Variants in PAK3 observed in about 807,000 individuals in gnomAD.
PAK3 encodes p21 (RAC1) activated kinase 3.
In PAK3, 4 loss-of-function variants were observed where a neutral mutation model predicts 41.0. The ratio of observed to expected loss-of-function variants is 0.10; its 90% CI spans 0.05 to 0.22. PAK3 has a LOEUF of 0.22. Ranked by LOEUF, PAK3 falls within the 10% of genes least tolerant of loss-of-function variation. The probability of loss-of-function intolerance (pLI) is 1.00; values close to 1 mark genes in which losing one functional copy is unlikely to be tolerated. For missense variants in PAK3, 205 were observed against 409.9 expected (o/e 0.50, Z 4.32); for synonymous variants, 146 against 139.6 (o/e 1.05, Z -0.32).
chrX:111,199,990 C>A (rs1371093283), intron 16 of PAK3, among the ~76,000 whole-genome samples: 1 of 111,405 alleles, frequency 9.0e-6, no homozygotes, highest in Non-Finnish European at 1.9e-5. Flanking sequence ...CTATAACAGG[C>A]ATCACATTGT....
intron 4 of PAK3, among the ~76,000 whole-genome samples, chrX:111,118,673 T>C (rs2093512510): frequency 9.0e-6 from 1 of 111,060 alleles, no homozygotes. Context: ...ATTGCTAACC[T>C]GGGGTTTTGT....
intron 11 of PAK3, among the ~76,000 whole-genome samples, chrX:111,179,534 C>A (rs1364845377): frequency 9.0e-6 from 1 of 111,347 alleles, no homozygotes; most frequent in Non-Finnish European, 1.9e-5. Flanking sequence ...TTAATAAAAT[C>A]ACAATGCCAT....
At chrX:111,121,838 A>G (rs1461994701) in intron 4 of PAK3, among the ~76,000 whole-genome samples, 4 of 111,757 alleles carry the variant, frequency 3.6e-5, no homozygotes, top group Admixed American at 9.5e-5. Context: ...GACTTGAATT[A>G]GAGTAGGAAA....
chrX:111,163,029 C>T lies in PAK3; in HGVS notation c.583C>T (p.Pro195Ser). The T allele has an allele frequency of 8.3e-7, 1 of 1,207,571 alleles. No homozygotes were observed. The highest frequency in any genetic ancestry group is 1.1e-6 in the Non-Finnish European group (1 of 892,165). The stretch of plus-strand genomic sequence containing the variant: ...GCCACCACCAGTTATCGCACCAAGA[C>T]CAGAGCATACAAAATCAGTAAGTCA... ...NEPPPVIAPRPEHTKSIYTRS... is the reference protein window; with the variant it reads ...NEPPPVIAPRSEHTKSIYTRS... The change falls in exon 9 of 18, where the codon CCA (proline) becomes TCA (serine). Residue 195 changes from proline (P) to serine (S), a missense_variant. Pro to Ser is a moderately conservative substitution (Grantham distance 74). Transcript: ENST00000372007.
At chrX:111,080,206 C>T (rs755397900) in intron 1 of PAK3, among the ~76,000 whole-genome samples, 6 of 111,926 alleles carry the variant, frequency 5.4e-5, no homozygotes, top group Admixed American at 2.8e-4. Context: ...CAAACAGCAT[C>T]TCATGCTACA....
intron 1 of PAK3, among the ~76,000 whole-genome samples, chrX:111,067,333 A>G (rs192411308): frequency 5.1e-4 from 57 of 111,455 alleles, no homozygotes; most frequent in African/African-American, 1.5e-3. Context: ...TATATATTTT[A>G]TATCGTTTAA....
chrX:111,034,511 G>A (rs1384468158), intron 1 of PAK3, among the ~76,000 whole-genome samples: 2 of 111,553 alleles, frequency 1.8e-5, no homozygotes, highest in Non-Finnish European at 3.8e-5. Context: ...ACACAGTGAT[G>A]CTTCTGTTTC....
At chrX:111,135,872 CA>C (rs1178362715) in intron 5 of PAK3, among the ~76,000 whole-genome samples, 1 of 111,634 alleles carries the variant, frequency 9.0e-6, no homozygotes, top group Non-Finnish European at 1.9e-5. Flanking sequence ...TGTGAAGAAG[CA>C]GAAGCATTTT....
intron 1 of PAK3, among the ~76,000 whole-genome samples, chrX:111,063,950 A>T (rs1177876165): frequency 2.7e-5 from 3 of 111,936 alleles, no homozygotes; most frequent in African/African-American, 9.8e-5. Context: ...CTCCAAGACT[A>T]ACTTGATTCA....
intron 8 of PAK3, among the ~76,000 whole-genome samples, chrX:111,157,541 G>C (rs1158574798): frequency 1.8e-5 from 2 of 111,004 alleles, no homozygotes; most frequent in South Asian, 7.7e-4. Flanking sequence ...CTGTAATCCC[G>C]GCACTTTGGG....
intron 1 of PAK3, among the ~76,000 whole-genome samples, chrX:111,006,559 C>A (rs775156605): frequency 4.5e-5 from 5 of 111,596 alleles, no homozygotes; most frequent in Non-Finnish European, 5.6e-5. Flanking sequence ...ATACAAAATT[C>A]TTTTTAAAAA....
chrX:111,037,888 G>T (rs182919203), intron 1 of PAK3, among the ~76,000 whole-genome samples: 1 of 111,323 alleles, frequency 9.0e-6, no homozygotes, highest in African/African-American at 3.3e-5. Context: ...GGCTCATAAG[G>T]TTCCCCAGGT....
chrX:111,118,334 T>C (rs1177007439), intron 4 of PAK3, among the ~76,000 whole-genome samples: 1 of 111,559 alleles, frequency 9.0e-6, no homozygotes, highest in Non-Finnish European at 1.9e-5. Context: ...GTCAAGTCTA[T>C]GCCTGAAAGC....
At chrX:111,127,548 A>T (rs1455728910) in intron 5 of PAK3, among the ~76,000 whole-genome samples, 4 of 111,653 alleles carry the variant, frequency 3.6e-5, no homozygotes, top group Non-Finnish European at 7.5e-5. Flanking sequence ...CAGGAGGGAC[A>T]GTTTGCCACC....
chrX:110,996,566 A>C (rs1442705614), intron 1 of PAK3, among the ~76,000 whole-genome samples: 1 of 111,874 alleles, frequency 8.9e-6, no homozygotes, highest in African/African-American at 3.2e-5. Context: ...AGATGAGGTC[A>C]TGAGGGTGGG....
At chrX:111,093,700 T>G (rs1304288742), upstream of PAK3, among the ~76,000 whole-genome samples, 2 of 112,250 alleles carry the variant, frequency 1.8e-5, no homozygotes, top group Admixed American at 9.4e-5. Context: ...GTCAGTCACC[T>G]AATAGGATTT....
At chrX:111,138,020 A>T (rs779047008) in intron 5 of PAK3, among the ~76,000 whole-genome samples, 2 of 110,628 alleles carry the variant, frequency 1.8e-5, no homozygotes, top group South Asian at 7.9e-4. Context: ...TTATTGCTAA[A>T]CACTTACTGA....
intron 1 of PAK3, among the ~76,000 whole-genome samples, chrX:111,005,663 G>C (rs976022900): frequency 9.0e-6 from 1 of 111,400 alleles, no homozygotes; most frequent in African/African-American, 3.3e-5. Flanking sequence ...TGGCCCTTAT[G>C]GTAAGTGATT....
intron 1 of PAK3, among the ~76,000 whole-genome samples, chrX:111,028,613 G>A (rs1411267610): frequency 9.0e-6 from 1 of 111,710 alleles, no homozygotes; most frequent in Non-Finnish European, 1.9e-5. Context: ...AACCAATATG[G>A]AAGTCAGCTA....
Sources: allele counts gnomAD v4.1 joint callset (sites outside exome capture counted in the v4.1 genomes callset), GRCh38; gene constraint gnomAD v4.1.1; transcripts MANE v1.5; gene names NCBI Gene and HGNC (gene_info 2026-07-23, HGNC 2026-07-21).